ATP8A2: variants seen among roughly 807,000 people sequenced by gnomAD.
The protein encoded by ATP8A2 is phospholipid-transporting ATPase IB.
Under a neutral mutation model 165.6 loss-of-function variants are expected in ATP8A2, and 100 were observed. The observed-to-expected ratio is 0.60, with a 90% CI of 0.51 to 0.71. The LOEUF is 0.71. ATP8A2 is among the 30% of genes least tolerant of loss of function. ATP8A2 has a pLI of 0.00. For synonymous variants in ATP8A2, 543 were observed against 548.8 expected, an observed-to-expected ratio of 0.99 and a Z score of 0.15; for missense variants, 1,227 against 1,479.5, an observed-to-expected ratio of 0.83 and a Z score of 2.80.
intron 15 of ATP8A2, among the ~76,000 whole-genome samples, chr13:25,562,314 A>G (rs900331712): frequency 6.6e-6 from 1 of 152,140 alleles, no homozygotes; most frequent in Non-Finnish European, 1.5e-5. Flanking sequence ...GTTTTATAAT[A>G]GCCATCCTAA....
intron 27 of ATP8A2, among the ~76,000 whole-genome samples, chr13:25,813,646 G>T (rs76553051): frequency 0.021 from 3,267 of 152,138 alleles, 109 homozygotes; most frequent in African/African-American, 0.075. Context: ...GATCATAGAA[G>T]CATTTCCAGA....
chr13:25,639,608 C>T (rs2041461744), intron 24 of ATP8A2, among the ~76,000 whole-genome samples: 1 of 152,126 alleles, frequency 6.6e-6, no homozygotes, highest in Admixed American at 6.5e-5. Flanking sequence ...TAAAGCAAGT[C>T]CTTAGAGAAC....
rs144568933 is a variant in ATP8A2 at position 25,666,476 on chromosome 13, G to A, written c.2212-32697G>A. 7.2e-5 allele frequency among the ~76,000 whole-genome samples: 11 copies of A among 152,238 alleles called. No homozygotes were observed. The East Asian group carries it at 2.1e-3, about 29-fold the overall frequency. ...GCTGGTCTTAAACTCCTGACCTCAG[G>A]TGATCCACCCACCTCAGGCTCCCAA... is the stretch of plus-strand genomic sequence containing the variant. On this transcript the variant is annotated intron_variant, in intron 24 of 36. Coordinates refer to ENST00000381655, the MANE Select transcript of ATP8A2 (RefSeq NM_016529.6).
chr13:26,002,406 G>A lies in ATP8A2; in HGVS notation c.3378-10125G>A, dbSNP rs140929645. On this transcript the variant is annotated intron_variant, in intron 35 of 36. Transcript: ENST00000381655. ...ACGGTGGGGGAACATCACACACCAGGGCCTGTCGTGGGGTGGGGGGATGGG... is the reference window on the plus strand; with the variant it reads ...ACGGTGGGGGAACATCACACACCAGAGCCTGTCGTGGGGTGGGGGGATGGG... Among the ~76,000 whole-genome samples the A allele has an allele frequency of 8.7e-4, 132 of 151,848 alleles. 2 individuals carry two copies. The highest frequency in any genetic ancestry group is 3.1e-3 in the African/African-American group (129 of 41,352).
chr13:25,661,020 T>C (rs748397270), intron 24 of ATP8A2, among the ~76,000 whole-genome samples: 33 of 152,194 alleles, frequency 2.2e-4, no homozygotes, highest in Non-Finnish European at 4.4e-4. Context: ...AGGGGATTCT[T>C]CATTTTAATA....
chr13:25,565,802 G>A (rs1299007315), intron 16 of ATP8A2, among the ~76,000 whole-genome samples: 1 of 151,764 alleles, frequency 6.6e-6, no homozygotes, highest in African/African-American at 2.4e-5. Flanking sequence ...TGGGTTCTTG[G>A]TCATGAAATC....
At chr13:25,733,003 GT>G (rs1424226947) in intron 25 of ATP8A2, among the ~76,000 whole-genome samples, 1 of 152,034 alleles carries the variant, frequency 6.6e-6, no homozygotes, top group Non-Finnish European at 1.5e-5. Flanking sequence ...TTTCCCACAA[GT>G]AAGAAAACTG....
intron 11 of ATP8A2, 88 bp from the exon 12 acceptor site, chr13:25,553,705 C>A: frequency 7.3e-7 from 1 of 1,362,966 alleles, no homozygotes; most frequent in Non-Finnish European, 1.0e-6. Context: ...GCAGGAGGTG[C>A]TCAATAACTA....
At chr13:25,485,692 A>G (rs1159241423) in intron 2 of ATP8A2, among the ~76,000 whole-genome samples, 1 of 152,230 alleles carries the variant, frequency 6.6e-6, no homozygotes, top group African/African-American at 2.4e-5. Context: ...AACAACTGCA[A>G]ACATGTTTAA....
At chr13:25,423,931 G>C (rs1049308844) in intron 1 of ATP8A2, among the ~76,000 whole-genome samples, 1 of 152,218 alleles carries the variant, frequency 6.6e-6, no homozygotes, top group Non-Finnish European at 1.5e-5. Flanking sequence ...TCCACTGACA[G>C]CGTGGGCAAA....
chr13:25,855,650 T>G (rs772093133), intron 30 of ATP8A2, among the ~76,000 whole-genome samples: 3 of 152,190 alleles, frequency 2.0e-5, no homozygotes, highest in Non-Finnish European at 4.4e-5. Context: ...TGGGTTTCAT[T>G]CATATGTTTT....
intron 25 of ATP8A2, among the ~76,000 whole-genome samples, chr13:25,759,594 A>G (rs1013538658): frequency 5.3e-5 from 8 of 152,196 alleles, no homozygotes; most frequent in Non-Finnish European, 1.2e-4. Context: ...ATTTCAAGGA[A>G]GCAGAGTATC....
chr13:25,481,112 T>TC, intron 2 of ATP8A2, among the ~76,000 whole-genome samples: 1 of 147,730 alleles, frequency 6.8e-6, no homozygotes, highest in Middle Eastern at 3.2e-3. Flanking sequence ...AGCAGTACAG[T>TC]CCAGCTTCGG....
chr13:25,870,473 A>G (rs1465239202), intron 33 of ATP8A2, among the ~76,000 whole-genome samples: 1 of 152,156 alleles, frequency 6.6e-6, no homozygotes, highest in Non-Finnish European at 1.5e-5. Context: ...TTCCCTTCCC[A>G]GCACTTCCCT....
At chr13:25,470,457 G>A (rs1360055049) in intron 2 of ATP8A2, among the ~76,000 whole-genome samples, 4 of 152,152 alleles carry the variant, frequency 2.6e-5, no homozygotes, top group Non-Finnish European at 5.9e-5. Flanking sequence ...AGAGAACTTG[G>A]TATCCTCATG....
At chr13:25,966,889 C>T (rs1223254131) in intron 34 of ATP8A2, among the ~76,000 whole-genome samples, 1 of 152,162 alleles carries the variant, frequency 6.6e-6, no homozygotes, top group African/African-American at 2.4e-5. Context: ...CTGTTCTACC[C>T]CTGTGCAGGG....
At chr13:25,924,764 G>A (rs1954551979) in intron 33 of ATP8A2, among the ~76,000 whole-genome samples, 1 of 152,190 alleles carries the variant, frequency 6.6e-6, no homozygotes, top group Non-Finnish European at 1.5e-5. Context: ...GTCATGGGAG[G>A]ACCCGGTGGG....
chr13:25,814,528 G>T (rs1020464330), intron 27 of ATP8A2, among the ~76,000 whole-genome samples: 2 of 150,156 alleles, frequency 1.3e-5, no homozygotes, highest in African/African-American at 2.5e-5. Context: ...AGACAGATAC[G>T]TAGACCCAAT....
intron 2 of ATP8A2, among the ~76,000 whole-genome samples, chr13:25,506,940 C>CATATATATATAT (rs59774160): frequency 0.038 from 4,819 of 128,438 alleles, 141 homozygotes; most frequent in Middle Eastern, 0.085. Flanking sequence ...CAGTACAGTA[C>CATATATATATAT]ATATATATAT....
Sources: gnomAD v4.1 joint callset for allele counts (sites outside exome capture counted in the v4.1 genomes callset) on GRCh38, gnomAD v4.1.1 for gene constraint, MANE v1.5 for transcripts, NCBI Gene and HGNC (gene_info 2026-07-23, HGNC 2026-07-21) for gene names.